Variants in FUT8 observed in about 807,000 individuals in gnomAD.
The protein encoded by FUT8 is fucosyltransferase 8.
FUT8 carries 29 observed loss-of-function variants against 71.3 expected under a neutral mutation model. The ratio of observed to expected loss-of-function variants is 0.41; its 90% CI spans 0.30 to 0.55. FUT8 has a LOEUF of 0.55. Ranked by LOEUF, FUT8 falls within the 20% of genes least tolerant of loss-of-function variation. FUT8 has a pLI of 0.34. For missense variants in FUT8, 544 were observed against 702.1 expected, an observed-to-expected ratio of 0.77 and a Z score of 2.55; for synonymous variants, 254 against 239.3, an observed-to-expected ratio of 1.06 and a Z score of -0.57.
chr14:65,643,665 T>TATACACACAC lies in FUT8; in HGVS notation c.597+14060_597+14061insTACACACACA. ...CGAGACTCCGTCTTTAAAAAAAAAA[T>TATACACACAC]ACACACACACACACACACACACACA... On this transcript the variant is annotated intron_variant, in intron 6 of 10. Coordinates refer to ENST00000673929, the MANE Select transcript of FUT8 (RefSeq NM_001371533.1). The surrounding 1 kb of genome is among the most constrained non-coding windows in gnomAD (Gnocchi z 4.5). Among the ~76,000 whole-genome samples the TATACACACAC allele has an allele frequency of 1.6e-5, 2 of 124,738 alleles. No homozygotes were observed. Among genetic ancestry groups the TATACACACAC allele is most frequent in the South Asian group, 6.0e-4 (2 of 3,348 alleles). 81.8% of individuals were successfully genotyped at this position (124,738 alleles called of 152,430 possible). A position where few individuals can be genotyped will look rare whatever the true frequency, so the allele number is the denominator to read the frequency against.
chr14:65,726,722 C>G (rs866647782), intron 9 of FUT8, among the ~76,000 whole-genome samples: 62 of 152,280 alleles, frequency 4.1e-4, no homozygotes, highest in Admixed American at 3.7e-3. Context: ...ACCAGTCATA[C>G]TTTCCCAACA....
intron 10 of FUT8, among the ~76,000 whole-genome samples, chr14:65,739,733 C>A (rs911469698): frequency 2.0e-5 from 3 of 151,984 alleles, no homozygotes; most frequent in Non-Finnish European, 4.4e-5. Flanking sequence ...ACAATATGAA[C>A]ATGGAGAATA....
chr14:65,624,985 G>C (rs757233815), intron 5 of FUT8, among the ~76,000 whole-genome samples: 2 of 152,144 alleles, frequency 1.3e-5, no homozygotes, highest in Non-Finnish European at 1.5e-5. Context: ...AGAATCACTT[G>C]AACCTGGGAG....
At chr14:65,538,148 C>T (rs1441572551) in intron 2 of FUT8, among the ~76,000 whole-genome samples, 2 of 152,216 alleles carry the variant, frequency 1.3e-5, no homozygotes, top group African/African-American at 4.8e-5. Flanking sequence ...TGCTCCACTA[C>T]AGATGCTCCC....
chr14:65,498,911 AAAT>A (rs1566786079), intron 2 of FUT8, among the ~76,000 whole-genome samples: 1 of 152,220 alleles, frequency 6.6e-6, no homozygotes, highest in Non-Finnish European at 1.5e-5. Context: ...TCATTGTGAA[AAAT>A]AATTATAGCC....
At chr14:65,705,410 G>A (rs1894508894) in intron 7 of FUT8, among the ~76,000 whole-genome samples, 1 of 152,108 alleles carries the variant, frequency 6.6e-6, no homozygotes, top group Admixed American at 6.5e-5. Flanking sequence ...ACATTTCTGT[G>A]TTCATTTTAA....
At chr14:65,522,764 C>G (rs150248570) in intron 2 of FUT8, among the ~76,000 whole-genome samples, 2,636 of 148,104 alleles carry the variant, frequency 0.018, 42 homozygotes, top group Non-Finnish European at 0.029. Flanking sequence ...GATGTTCCCC[C>G]TCCTGTGTCC....
Position 65,652,183 on chromosome 14 carries a change from A to G in FUT8, c.598-17060A>G, listed in dbSNP as rs1184990806. Among the ~76,000 whole-genome samples the G allele has an allele frequency of 6.6e-6, 1 of 152,172 alleles. No homozygotes were observed. The highest frequency in any genetic ancestry group is 1.5e-5 in the Non-Finnish European group (1 of 68,032). On this transcript the variant is annotated intron_variant, in intron 6 of 10. Transcript: ENST00000673929. This position sits in a 1 kb window ranked among gnomAD's most constrained non-coding sequence, Gnocchi z 4.0. ...TGGACTTCTGGCTTCCAGATCTGCC[A>G]AGAAACCAAAAGACAGGATGAGAAT... is the stretch of plus-strand genomic sequence containing the variant.
chr14:65,395,404 A>G, the FUT8 span, among the ~76,000 whole-genome samples: 1 of 152,152 alleles, frequency 6.6e-6, no homozygotes, highest in South Asian at 2.1e-4. Context: ...CCTGCAGCAA[A>G]CTTCTGCCTG....
chr14:65,677,347 T>C (rs1164480453), intron 7 of FUT8, among the ~76,000 whole-genome samples: 1 of 152,146 alleles, frequency 6.6e-6, no homozygotes, highest in African/African-American at 2.4e-5. Context: ...ATCAAAAATA[T>C]TCTTAGCAGT....
chr14:65,427,781 T>G (rs2139415962), intron 1 of FUT8, among the ~76,000 whole-genome samples: 1 of 152,338 alleles, frequency 6.6e-6, no homozygotes, highest in African/African-American at 2.4e-5. Flanking sequence ...CAATCCAGTT[T>G]TAGAAAACTT....
At chr14:65,509,008 C>A (rs531609815) in intron 2 of FUT8, among the ~76,000 whole-genome samples, 1 of 152,052 alleles carries the variant, frequency 6.6e-6, no homozygotes, top group Non-Finnish European at 1.5e-5. Context: ...CAGACCGATA[C>A]CCTGGAGAGT....
the FUT8 span, among the ~76,000 whole-genome samples, chr14:65,394,201 T>G: frequency 6.6e-6 from 1 of 152,146 alleles, no homozygotes; most frequent in Non-Finnish European, 1.5e-5. Flanking sequence ...TCAGGTGATC[T>G]GCCCACCTTG....
In FUT8 at chr14:65,418,277, A is replaced by G. The variant is rs188188709; in HGVS notation, c.-326+5063A>G. ...CTAAAATGAACCTGTGTATCTGTCT[A>G]AGTCTTATTTGATCAAGACTTTCAA... is the stretch of plus-strand genomic sequence containing the variant. On this transcript the variant is annotated intron_variant, in intron 1 of 10. Transcript: ENST00000673929. 3.5e-4 allele frequency among the ~76,000 whole-genome samples: 54 copies of G among 152,326 alleles called. 1 individual carries two copies. The highest frequency in any genetic ancestry group is 1.0e-3 in the South Asian group (5 of 4,830).
intron 3 of FUT8, among the ~76,000 whole-genome samples, chr14:65,613,854 T>C (rs1889135175): frequency 6.6e-6 from 1 of 152,176 alleles, no homozygotes; most frequent in African/African-American, 2.4e-5. Flanking sequence ...GGCTCATACC[T>C]GTAATTCAGC....
intron 5 of FUT8, among the ~76,000 whole-genome samples, chr14:65,621,750 A>G (rs1363711026): frequency 6.6e-6 from 1 of 152,096 alleles, no homozygotes; most frequent in East Asian, 1.9e-4. Context: ...TAGTAGAGAC[A>G]GGGTTTCTCC....
Position 65,682,564 on chromosome 14 carries a change from T to C in FUT8, c.835+13084T>C, listed in dbSNP as rs529671692. On this transcript the variant is annotated intron_variant, in intron 7 of 10. Coordinates refer to ENST00000673929, the MANE Select transcript of FUT8 (RefSeq NM_001371533.1). ...TTGTAGTCATTCCAGCCAGAAAACT[T>C]AGAAGAAATGGCATTTGAACTGGTT... 6.6e-4 allele frequency among the ~76,000 whole-genome samples: 101 copies of C among 152,098 alleles called. 1 individual carries two copies. In the South Asian group the frequency reaches 0.021, roughly 32 times the overall value.
In FUT8 at chr14:65,635,423, A is replaced by G. The variant is rs552944090; in HGVS notation, c.597+5817A>G. ...GCATCCTTGTCTTATTCTAATTCTCACAGGGAATGCTTTCAACTTTTCCCC... is the reference window on the plus strand; with the variant it reads ...GCATCCTTGTCTTATTCTAATTCTCGCAGGGAATGCTTTCAACTTTTCCCC... On this transcript the variant is annotated intron_variant, in intron 6 of 10. Coordinates refer to ENST00000673929, the MANE Select transcript of FUT8 (RefSeq NM_001371533.1). Among the ~76,000 whole-genome samples, 4 of 152,188 alleles carry G rather than the reference A, an allele frequency of 2.6e-5. No individual in the cohort carries two copies. The East Asian group carries it at 5.8e-4, about 22-fold the overall frequency.
At chr14:65,516,889 C>G (rs1330736647) in intron 2 of FUT8, among the ~76,000 whole-genome samples, 1 of 151,164 alleles carries the variant, frequency 6.6e-6, no homozygotes, top group African/African-American at 2.4e-5. Flanking sequence ...TTATTATCTC[C>G]CCTTTAATCA....
Sources: gnomAD v4.1 joint callset for allele counts (sites outside exome capture counted in the v4.1 genomes callset) on GRCh38, gnomAD v4.1.1 for gene constraint, Gnocchi (gnomAD v3.1) non-coding constraint, MANE v1.5 for transcripts, NCBI Gene and HGNC (gene_info 2026-07-23, HGNC 2026-07-21) for gene names.